PARD3B: variants seen among roughly 807,000 people sequenced by gnomAD.
PARD3B encodes the protein par-3 family cell polarity regulator beta.
PARD3B carries 103 observed loss-of-function variants against 130.2 expected under a neutral mutation model. The observed-to-expected ratio is 0.79, with a 90% confidence interval of 0.67 to 0.93. The LOEUF is 0.93. Ranked by LOEUF, PARD3B falls within the 40% of genes least tolerant of loss-of-function variation. The pLI, the probability that PARD3B is intolerant of heterozygous loss-of-function variation, is 0.00. For synonymous variants in PARD3B, 583 were observed against 553.2 expected (o/e 1.05, Z -0.76); for missense variants, 1,609 against 1,499.2 (o/e 1.07, Z -1.21).
intron 2 of PARD3B, among the ~76,000 whole-genome samples, chr2:204,820,058 AT>A (rs1394765520): frequency 6.8e-6 from 1 of 146,778 alleles, no homozygotes; most frequent in Non-Finnish European, 1.5e-5. Context: ...AGGTGGCTAC[AT>A]TAAACAATAG....
rs1040492390 is a variant in PARD3B at position 205,366,158 on chromosome 2, A to G, written c.2631-34855A>G. On this transcript the variant is annotated intron_variant, in intron 18 of 22. Transcript: ENST00000406610. This position sits in a 1 kb window ranked among gnomAD's most constrained non-coding sequence, Gnocchi z 5.0. ...GCTAGAGCTCTGTGGGTTACTTTAAACCAATTTTTTTCTTTCCTAATTCAA... is the reference window on the plus strand; with the variant it reads ...GCTAGAGCTCTGTGGGTTACTTTAAGCCAATTTTTTTCTTTCCTAATTCAA... Among the ~76,000 whole-genome samples the G allele has an allele frequency of 6.6e-6, 1 of 152,076 alleles. No homozygotes were observed. The highest frequency in any genetic ancestry group is 2.4e-5 in the African/African-American group (1 of 41,402).
chr2:204,932,614 T>C (rs1002245136), intron 2 of PARD3B, among the ~76,000 whole-genome samples: 2 of 152,174 alleles, frequency 1.3e-5, no homozygotes, highest in East Asian at 1.9e-4. Flanking sequence ...GATATCTAAA[T>C]AATTTTGTCA....
rs994979267 is a variant in PARD3B, at chr2:205,125,512, T to C, written c.1306-97T>C. On this transcript the variant is annotated intron_variant, in intron 9 of 22. Transcript: ENST00000406610. The surrounding 1 kb of genome is among the most constrained non-coding windows in gnomAD (Gnocchi z 4.0). The stretch of plus-strand genomic sequence containing the variant: ...CATCTTTTCAGAGCTTCCTCAAGTA[T>C]GGGAGCCCATTTGCTTCTTGTTTTC... 9 of 1,372,664 alleles carry C rather than the reference T, an allele frequency of 6.6e-6. No individual in the cohort carries two copies. The Admixed American group carries it at 6.7e-5, about 10-fold the overall frequency. 85.0% of individuals were successfully genotyped at this position (1,372,664 alleles called of 1,614,324 possible).
At chr2:204,655,705 T>C (rs1488353624) in intron 1 of PARD3B, among the ~76,000 whole-genome samples, 1 of 152,112 alleles carries the variant, frequency 6.6e-6, no homozygotes, top group Admixed American at 6.6e-5. Flanking sequence ...CATAGAAATG[T>C]GTTTAAATCT....
At chr2:205,120,163 A>G (rs769222864) in intron 7 of PARD3B, among the ~76,000 whole-genome samples, 92 of 152,188 alleles carry the variant, frequency 6.0e-4, no homozygotes, top group Admixed American at 1.4e-3. Context: ...ATAATGAATG[A>G]TAGACAAAAC....
intron 21 of PARD3B, among the ~76,000 whole-genome samples, chr2:205,506,346 CAA>C: frequency 6.6e-6 from 1 of 151,976 alleles, no homozygotes; most frequent in East Asian, 1.9e-4. Flanking sequence ...AAAACAAAAA[CAA>C]AAACAAAAAT....
Position 204,792,808 on chromosome 2 carries a change from C to T in PARD3B, c.222+106526C>T, listed in dbSNP as rs535666605. ...TGACCTGGTGTGTTTCAGCTAATTT[C>T]GATTCTTTCAGATGTCTTCTGCGCA... is the stretch of plus-strand genomic sequence containing the variant. On this transcript the variant is annotated intron_variant, in intron 2 of 22. Transcript: ENST00000406610. Among the ~76,000 whole-genome samples, 95 of 152,160 alleles carry T rather than the reference C, an allele frequency of 6.2e-4. 2 individuals are homozygous for T. The South Asian group carries it at 0.019, about 31-fold the overall frequency.
At chr2:205,314,506 G>C (rs1173342923) in intron 18 of PARD3B, among the ~76,000 whole-genome samples, 1 of 152,174 alleles carries the variant, frequency 6.6e-6, no homozygotes, top group African/African-American at 2.4e-5. Flanking sequence ...TTAGTAACAT[G>C]AGATGGTTCC....
chr2:205,096,021 T>A (rs1297507338), intron 4 of PARD3B, among the ~76,000 whole-genome samples: 2 of 152,152 alleles, frequency 1.3e-5, no homozygotes, highest in Non-Finnish European at 2.9e-5. Context: ...GATTTATTCC[T>A]CAAAAGTTGT....
At chr2:204,581,736 C>A (rs1164924398) in intron 1 of PARD3B, among the ~76,000 whole-genome samples, 1 of 152,084 alleles carries the variant, frequency 6.6e-6, no homozygotes. Context: ...AGCTAAGGCA[C>A]AAAAATGTTA....
rs2051558729 is a variant in PARD3B at position 205,530,815 on chromosome 2, A to G, written c.3181-22509A>G. ...ATGCTGGACGATTCAAGAAGATGAA[A>G]TGGGGAAGAAAGAAACGATGACTCT... On this transcript the variant is annotated intron_variant, in intron 21 of 22. Transcript: ENST00000406610. This position sits in a 1 kb window ranked among gnomAD's most constrained non-coding sequence, Gnocchi z 4.7. Among the ~76,000 whole-genome samples, 3 of 152,206 alleles carry G rather than the reference A, an allele frequency of 2.0e-5. No homozygotes were observed. Among genetic ancestry groups the G allele is most frequent in the Non-Finnish European group, 4.4e-5 (3 of 68,040 alleles).
At chr2:205,026,105 A>G (rs1323937665) in intron 3 of PARD3B, among the ~76,000 whole-genome samples, 1 of 152,222 alleles carries the variant, frequency 6.6e-6, no homozygotes, top group African/African-American at 2.4e-5. Context: ...CAAATGCACA[A>G]GAGTCTCTCT....
chr2:204,595,741 GC>G (rs1264231222), intron 1 of PARD3B, among the ~76,000 whole-genome samples: 1 of 152,208 alleles, frequency 6.6e-6, no homozygotes, highest in Non-Finnish European at 1.5e-5. Context: ...TATAAAATGA[GC>G]ATGTACTTTA....
intron 3 of PARD3B, among the ~76,000 whole-genome samples, chr2:205,041,296 ATAAT>A (rs1698382976): frequency 6.6e-6 from 1 of 152,166 alleles, no homozygotes; most frequent in South Asian, 2.1e-4. Context: ...TTAAAAGCAA[ATAAT>A]TCTAACAGTC....
chr2:204,827,492 G>A (rs983684477), intron 2 of PARD3B, among the ~76,000 whole-genome samples: 1 of 152,144 alleles, frequency 6.6e-6, no homozygotes, highest in Non-Finnish European at 1.5e-5. Flanking sequence ...CTTCTCTTTT[G>A]TTAATGAATG....
intron 18 of PARD3B, among the ~76,000 whole-genome samples, chr2:205,312,145 G>A (rs1204316084): frequency 6.6e-6 from 1 of 152,158 alleles, no homozygotes; most frequent in Non-Finnish European, 1.5e-5. Flanking sequence ...TAAATGTAAT[G>A]TGGCCGCAGC....
intron 2 of PARD3B, among the ~76,000 whole-genome samples, chr2:204,833,779 A>T (rs754447030): frequency 6.6e-6 from 1 of 152,070 alleles, no homozygotes; most frequent in Admixed American, 6.6e-5. Flanking sequence ...ATAAACACCC[A>T]GCCTCAGGTA....
intron 2 of PARD3B, among the ~76,000 whole-genome samples, chr2:204,751,206 C>T (rs1294078124): frequency 1.3e-5 from 2 of 152,034 alleles, no homozygotes; most frequent in Non-Finnish European, 2.9e-5. Context: ...AGCTAATCAA[C>T]GTTGCAGAAG....
At chr2:205,379,066 G>C (rs1024132633) in intron 18 of PARD3B, among the ~76,000 whole-genome samples, 8 of 151,976 alleles carry the variant, frequency 5.3e-5, no homozygotes, top group Non-Finnish European at 7.4e-5. Context: ...AAAAAACTCT[G>C]AGAAAAAATA....
Sources: allele counts gnomAD v4.1 joint callset (sites outside exome capture counted in the v4.1 genomes callset), GRCh38; gene constraint gnomAD v4.1.1; non-coding constraint Gnocchi (gnomAD v3.1); transcripts MANE v1.5; gene names NCBI Gene and HGNC (gene_info 2026-07-23, HGNC 2026-07-21).